THSD7B: variants seen among roughly 807,000 people sequenced by gnomAD.
THSD7B encodes thrombospondin type-1 domain-containing protein 7B.
THSD7B carries 138 observed loss-of-function variants against 213.6 expected under a neutral mutation model. That is an observed-to-expected ratio of 0.65 (90% CI 0.56 to 0.74). The LOEUF is 0.74. Ranked by LOEUF, THSD7B falls within the 30% of genes least tolerant of loss-of-function variation. The pLI is 0.00. For synonymous variants in THSD7B, 742 were observed against 687.0 expected, an observed-to-expected ratio of 1.08 and a Z score of -1.25; for missense variants, 1,931 against 1,991.5, an observed-to-expected ratio of 0.97 and a Z score of 0.58.
chr2:137,216,773 TG>T (rs1681254277), intron 7 of THSD7B, among the ~76,000 whole-genome samples: 1 of 152,138 alleles, frequency 6.6e-6, no homozygotes, highest in African/African-American at 2.4e-5. Flanking sequence ...TCCACAAACT[TG>T]AATAAGTCAC....
intron 15 of THSD7B, among the ~76,000 whole-genome samples, chr2:137,512,499 C>G (rs1031245052): frequency 6.7e-6 from 1 of 148,886 alleles, no homozygotes; most frequent in Non-Finnish European, 1.5e-5. Context: ...TCAAGGGATC[C>G]TCCCACCTCA....
chr2:137,278,710 G>A (rs114230274), intron 12 of THSD7B, among the ~76,000 whole-genome samples: 1,529 of 152,244 alleles, frequency 0.01, 22 homozygotes, highest in African/African-American at 0.034. Context: ...CCTGTAAAGT[G>A]TCAGGAGGGA....
intron 7 of THSD7B, among the ~76,000 whole-genome samples, chr2:137,211,178 A>G (rs571857423): frequency 4.6e-4 from 70 of 152,132 alleles, no homozygotes; most frequent in Non-Finnish European, 7.9e-4. Context: ...TGAGATTTGT[A>G]TAAACAAATA....
chr2:136,996,535 G>A (rs1006037451), intron 2 of THSD7B, among the ~76,000 whole-genome samples: 2 of 151,816 alleles, frequency 1.3e-5, no homozygotes, highest in Non-Finnish European at 2.9e-5. Flanking sequence ...TGTAGAGATG[G>A]GGTCTTTCTT....
intron 19 of THSD7B, among the ~76,000 whole-genome samples, chr2:137,619,343 A>C (rs1682470224): frequency 1.3e-5 from 2 of 152,236 alleles, no homozygotes; most frequent in Non-Finnish European, 2.9e-5. Context: ...GAATTAAAAC[A>C]AAACAAACCT....
At chr2:137,501,950 A>C (rs1679717184) in intron 15 of THSD7B, among the ~76,000 whole-genome samples, 1 of 152,222 alleles carries the variant, frequency 6.6e-6, no homozygotes, top group South Asian at 2.1e-4. Context: ...GAATTAAGTA[A>C]TTTAAACAGG....
At chr2:137,669,653 T>A (rs993540602) in intron 27 of THSD7B, among the ~76,000 whole-genome samples, 1 of 152,134 alleles carries the variant, frequency 6.6e-6, no homozygotes, top group South Asian at 2.1e-4. Context: ...TTCAAAGCAA[T>A]CAGTAGGCCA....
chr2:137,572,547 A>T lies in THSD7B; in HGVS notation c.3414A>T (p.Lys1138Asn), dbSNP rs763587245. 3 of 1,613,778 alleles carry T rather than the reference A, an allele frequency of 1.9e-6. No individual in the cohort carries two copies. The South Asian group carries it at 3.3e-5, about 18-fold the overall frequency. ...TGTCTGAGTGGGGACTTTGGAGCAA[A>T]TGCCCACAGGTAATTTCTCTTTCTT... ...CVMSEWGLWS[K>N]CPQSCDPHTM... Residue 1138 changes from lysine to asparagine, a missense_variant, in exon 17 of 28, where the codon AAA becomes AAT. Transcript: ENST00000409968.
intron 2 of THSD7B, among the ~76,000 whole-genome samples, chr2:136,983,080 A>C (rs1163536160): frequency 6.8e-6 from 1 of 148,138 alleles, no homozygotes; most frequent in Non-Finnish European, 1.5e-5. Flanking sequence ...TTTAAAATTA[A>C]AAAAAAAAAC....
intron 15 of THSD7B, among the ~76,000 whole-genome samples, chr2:137,548,465 C>T (rs1162895852): frequency 6.6e-6 from 1 of 151,972 alleles, no homozygotes; most frequent in Non-Finnish European, 1.5e-5. Flanking sequence ...CCCTTCCACA[C>T]ACTCTCATCT....
intron 1 of THSD7B, among the ~76,000 whole-genome samples, chr2:136,782,891 T>C (rs1558803571): frequency 6.6e-6 from 1 of 152,094 alleles, no homozygotes; most frequent in South Asian, 2.1e-4. Context: ...TGCAATATTA[T>C]CTGTTAATTA....
intron 16 of THSD7B, among the ~76,000 whole-genome samples, chr2:137,570,413 A>G (rs150334720): frequency 0.025 from 3,876 of 152,140 alleles, 69 homozygotes; most frequent in Non-Finnish European, 0.037. Flanking sequence ...GGTTCACGCC[A>G]TTCTCCTGCC....
intron 4 of THSD7B, among the ~76,000 whole-genome samples, chr2:137,098,726 G>T (rs1688086839): frequency 6.6e-6 from 1 of 152,100 alleles, no homozygotes; most frequent in Non-Finnish European, 1.5e-5. Flanking sequence ...GGCTTTGGGG[G>T]ATACTCTTCT....
intron 12 of THSD7B, among the ~76,000 whole-genome samples, chr2:137,282,153 A>C (rs1450803628): frequency 6.6e-6 from 1 of 152,060 alleles, no homozygotes; most frequent in African/African-American, 2.4e-5. Context: ...TCTGATGGCC[A>C]GTGATGATGA....
intron 15 of THSD7B, among the ~76,000 whole-genome samples, chr2:137,541,337 C>T (rs551526313): frequency 1.3e-5 from 2 of 151,444 alleles, no homozygotes; most frequent in African/African-American, 2.4e-5. Flanking sequence ...AAACAAGAAG[C>T]AGTCACTAGA....
intron 3 of THSD7B, among the ~76,000 whole-genome samples, chr2:137,059,621 T>C (rs1433975104): frequency 6.6e-6 from 1 of 152,164 alleles, no homozygotes; most frequent in Non-Finnish European, 1.5e-5. Flanking sequence ...GTTATATAGT[T>C]AGAATTATAT....
At chr2:136,877,116 T>C (rs1025097077) in intron 1 of THSD7B, among the ~76,000 whole-genome samples, 9 of 151,310 alleles carry the variant, frequency 5.9e-5, no homozygotes, top group African/African-American at 2.2e-4. Context: ...CCACTAGGGT[T>C]CCAGAAAAGG....
At chr2:137,464,385 G>A (rs1687947580) in intron 15 of THSD7B, among the ~76,000 whole-genome samples, 1 of 152,018 alleles carries the variant, frequency 6.6e-6, no homozygotes, top group Non-Finnish European at 1.5e-5. Context: ...AAGTGAGTAG[G>A]AAGTGTTACA....
chr2:137,315,318 T>C (rs1024597317), intron 12 of THSD7B, among the ~76,000 whole-genome samples: 3 of 152,214 alleles, frequency 2.0e-5, no homozygotes, highest in Non-Finnish European at 2.9e-5. Context: ...GGGAACTCCC[T>C]GACCCCTTGA....
Sources: allele counts gnomAD v4.1 joint callset (sites outside exome capture counted in the v4.1 genomes callset), GRCh38; gene constraint gnomAD v4.1.1; transcripts MANE v1.5; gene names NCBI Gene and HGNC (gene_info 2026-07-23, HGNC 2026-07-21).